The following TTN variants were observed in gnomAD, a reference collection of about 807,000 sequenced individuals.
The protein encoded by TTN is connectin.
In TTN, 1,525 loss-of-function variants were observed where a neutral mutation model predicts 3,223.0. That is an observed-to-expected ratio of 0.47 (90% CI 0.45 to 0.49). The LOEUF (loss-of-function observed/expected upper bound fraction) is 0.49, where lower values mean the gene tolerates loss of function less well. Ranked by LOEUF, TTN falls within the 20% of genes least tolerant of loss-of-function variation. The pLI, the probability that TTN is intolerant of heterozygous loss-of-function variation, is 0.00. For missense variants in TTN, 40,786 were observed against 43,424.0 expected, an observed-to-expected ratio of 0.94 and a Z score of 5.40; for synonymous variants, 14,094 against 15,161.0, an observed-to-expected ratio of 0.93 and a Z score of 5.17.
rs200732906 is a variant in TTN at position 178,622,587 on chromosome 2, C to CT, written c.44913+82dup. Reference sequence around the variant, plus strand: ...TGGTGACCAGAGAAGTTGTGACTAACTTTTTTTTTTCCATTTTGGCTAGAC... The same window carrying CT: ...TGGTGACCAGAGAAGTTGTGACTAACTTTTTTTTTTTCCATTTTGGCTAGAC... On this transcript the variant is annotated intron_variant, in intron 243 of 362. Transcript: ENST00000589042. The CT allele has an allele frequency of 0.032, 33,909 of 1,054,860 alleles. 257 individuals are homozygous for CT. Among genetic ancestry groups the CT allele is most frequent in the East Asian group, 0.096 (3,353 of 34,786 alleles). The allele number at this position is 1,054,860 out of a possible 1,614,324, so 65.3% of individuals were successfully genotyped here.
intron 214 of TTN, 105 bp from the exon 215 acceptor site, chr2:178,647,249 G>T: frequency 8.3e-7 from 1 of 1,208,184 alleles, no homozygotes; most frequent in Non-Finnish European, 1.2e-6. Context: ...CTCTATAACA[G>T]ATTATTCAGA....
rs2154141736 is a variant in TTN at position 178,541,571 on chromosome 2, G to T, written c.97506C>A (p.Pro32502=). Residue 32502 remains proline, a synonymous_variant, in exon 350 of 363, where the codon CCC becomes CCA. Coordinates refer to ENST00000589042, the MANE Select transcript of TTN (RefSeq NM_001267550.2). ...CATCAAATATCTGTAATGTTTCTGGGGGTCCAGGAATACCTGCAGCAAGAC... is the reference window on the plus strand; with the variant it reads ...CATCAAATATCTGTAATGTTTCTGGTGGTCCAGGAATACCTGCAGCAAGAC... ...ECRSSIRIPG[P]PETLQIFDVS... 1 of 1,607,814 alleles carries T rather than the reference G, an allele frequency of 6.2e-7. No homozygotes were observed. Among genetic ancestry groups the T allele is most frequent in the East Asian group, 2.2e-5 (1 of 44,584 alleles).
chr2:178,713,219 T>C lies in TTN; in HGVS notation c.26915A>G (p.Tyr8972Cys). The change falls in exon 93 of 363, where the codon TAC becomes TGC. Residue 8972 changes from tyrosine (Y) to cysteine (C), a missense_variant. Physicochemically the swap from Tyr to Cys is radical, Grantham distance 194. Coordinates refer to ENST00000589042, the MANE Select transcript of TTN (RefSeq NM_001267550.2). ...AGTATTATCTGTCAGGGTGGTCTGG[T>C]ATTTCCTTCCACTACTGATCTCATT... Reference protein sequence around the residue: ...EGNEISSGRKYQTTLTDNTCA... With the variant: ...EGNEISSGRKCQTTLTDNTCA... 1.2e-6 allele frequency: 2 copies of C among 1,613,614 alleles called. No individual in the cohort carries two copies. Among genetic ancestry groups the C allele is most frequent in the Admixed American group, 3.3e-5 (2 of 59,962 alleles).
At position 178,717,096 on chromosome 2, in the gene TTN, T is replaced by C. The variant is rs1261010658; in HGVS notation, c.25638A>G (p.Gln8546=). The C allele has an allele frequency of 6.2e-7, 1 of 1,609,566 alleles. No homozygotes were observed. The highest frequency in any genetic ancestry group is 8.5e-7 in the Non-Finnish European group (1 of 1,176,744). Residue 8546 remains glutamine (Q), a splice_region_variant and synonymous_variant, in exon 88 of 363, where the codon CAA becomes CAG. Coordinates refer to ENST00000589042, the MANE Select transcript of TTN (RefSeq NM_001267550.2). ...KDSCSAQLGV[Q]EPPRFIKKLE... is the part of the protein sequence containing the mutation. The stretch of plus-strand genomic sequence containing the variant: ...TTGCTCCTTCACTCTAACAAGTACC[T>C]TGTACACCCAGCTGAGCAGAACAAG...
rs878858552 is a variant in TTN at position 178,535,517 on chromosome 2, C to G, written c.101098G>C (p.Asp33700His). 4 of 1,613,878 alleles carry G rather than the reference C, an allele frequency of 2.5e-6. No homozygotes were observed. The highest frequency in any genetic ancestry group is 3.4e-6 in the Non-Finnish European group (4 of 1,179,822). The change falls in exon 358 of 363, where the codon GAT (aspartate) becomes CAT (histidine). Residue 33700 changes from aspartate (D) to histidine (H), a missense_variant. Asp to His is a moderately conservative substitution (Grantham distance 81). Transcript: ENST00000589042. Reference sequence around the variant, plus strand: ...AAGTTGACAGAATCTCGTGAGACATCACTAACTTTGACTCCTCTGGGTGGG... The same window carrying G: ...AAGTTGACAGAATCTCGTGAGACATGACTAACTTTGACTCCTCTGGGTGGG... ...PDPPRGVKVS[D>H]VSRDSVNLTW...
At chr2:178,645,409 C>T (rs915630281) in intron 217 of TTN, among the ~76,000 whole-genome samples, 6 of 151,942 alleles carry the variant, frequency 3.9e-5, no homozygotes, top group African/African-American at 1.5e-4. Flanking sequence ...CATTCATATG[C>T]TTTCCTTTCA....
chr2:178,598,388 T>A, intron 292 of TTN, 118 bp downstream of exon 292: 1 of 1,230,462 alleles, frequency 8.1e-7, no homozygotes, highest in Non-Finnish European at 1.1e-6. Context: ...GTTAAAATTA[T>A]GCTATTTTCC....
intron 208 of TTN, 35 bp downstream of exon 208, chr2:178,651,208 G>A: frequency 1.3e-6 from 2 of 1,566,786 alleles, no homozygotes; most frequent in African/African-American, 1.4e-5. Context: ...ACAAGGGTGA[G>A]TGCTTTTCTG....
At chr2:178,748,245 G>A (rs1185835123) in intron 47 of TTN, 1 of 1,612,948 alleles carries the variant, frequency 6.2e-7, no homozygotes, top group Non-Finnish European at 8.5e-7. Flanking sequence ...TTAAGAGAAA[G>A]ATCAGTTTTT....
chr2:178,567,608 G>T lies in TTN; in HGVS notation c.78524C>A (p.Pro26175His). The change falls in exon 326 of 363, where the codon CCC becomes CAC. Residue 26175 changes from proline to histidine, a missense_variant. By Grantham distance (77) the Pro-to-His change is moderately conservative (BLOSUM62 -2). Coordinates refer to ENST00000589042, the MANE Select transcript of TTN (RefSeq NM_001267550.2). ...AKNAAGAISK[P>H]SDSTGPITAK... ...AGTTATTGGTCCAGTACTGTCAGAG[G>T]GTTTACTTATTGCACCAGCTGCATT... The T allele has an allele frequency of 5.6e-6, 9 of 1,611,828 alleles. No individual in the cohort carries two copies. Among genetic ancestry groups the T allele is most frequent in the Non-Finnish European group, 6.8e-6 (8 of 1,178,568 alleles).
chr2:178,785,525 A>C (rs1253485924), intron 15 of TTN, 95 bp downstream of exon 15: 21 of 1,565,136 alleles, frequency 1.3e-5, no homozygotes, highest in Non-Finnish European at 1.7e-5. Flanking sequence ...ACCAAAAAAG[A>C]ATCCTCCATT....
chr2:178,560,171 G>A lies in TTN; in HGVS notation c.85961C>T (p.Pro28654Leu). 2 of 1,613,734 alleles carry A rather than the reference G, an allele frequency of 1.2e-6. No individual in the cohort carries two copies. The highest frequency in any genetic ancestry group is 1.7e-6 in the Non-Finnish European group (2 of 1,179,756). ...GTCCACAATTTTGGGTTTGGATGGA[G>A]GAGATGGTAGGAACACTGGATCTTC... ...RAEDPVFLPS[P>L]PSKPKIVDSG... is the part of the protein sequence containing the mutation. The change falls in exon 326 of 363, where the codon CCT (proline) becomes CTT (leucine). Residue 28654 changes from proline (P) to leucine (L), a missense_variant. Physicochemically the swap from Pro to Leu is moderately conservative, Grantham distance 98 (BLOSUM62 -3). Transcript: ENST00000589042.
Position 178,607,983 on chromosome 2 carries a change from C to G in TTN, c.52804G>C (p.Val17602Leu), listed in dbSNP as rs771120988. 1.2e-6 allele frequency: 2 copies of G among 1,612,992 alleles called. No individual in the cohort carries two copies. The highest frequency in any genetic ancestry group is 3.3e-5 in the Admixed American group (2 of 59,948). The part of the protein sequence containing the change: ...PPAFNGGGEI[V>L]GYFVDKQLVG... ...AACTGCTTATCAACAAAATAGCCAA[C>G]AATTTCCCCACCACCATTGAAAGCT... Residue 17602 changes from valine to leucine, a missense_variant, in exon 276 of 363, where the codon GTT becomes CTT. Coordinates refer to ENST00000589042, the MANE Select transcript of TTN (RefSeq NM_001267550.2).
At position 178,546,963 on chromosome 2, in the gene TTN, G is replaced by C. The variant is rs576442015; in HGVS notation, c.94522+40C>G. 10 of 1,586,978 alleles carry C rather than the reference G, an allele frequency of 6.3e-6. No homozygotes were observed. In the South Asian group the frequency reaches 1.2e-4, roughly 18 times the overall value. ...ACCACTCTGAGTTCTACTAGAATCAGTAATAATAAACAAATATGCCCTTAA... is the reference window on the plus strand; with the variant it reads ...ACCACTCTGAGTTCTACTAGAATCACTAATAATAAACAAATATGCCCTTAA... On this transcript the variant is annotated intron_variant, in intron 340 of 362. Transcript: ENST00000589042.
In TTN at chr2:178,526,044, A is replaced by G. The variant is rs772669140; in HGVS notation, c.*968T>C. On this transcript the variant is annotated 3_prime_UTR_variant, in exon 363 of 363. Transcript: ENST00000589042. ...GTTGTTACTATCTCAAGGAGGTCCA[A>G]CAATTATAACTAACAATTGAATTTA... is the stretch of plus-strand genomic sequence containing the variant. 2.7e-4 allele frequency: 41 copies of G among 152,666 alleles called. No homozygotes were observed. Among genetic ancestry groups the G allele is most frequent in the Non-Finnish European group, 4.6e-4 (31 of 68,048 alleles). 9.5% of individuals were successfully genotyped at this position (152,666 alleles called of 1,614,324 possible). A position where few individuals can be genotyped will look rare whatever the true frequency, so the allele number is the denominator to read the frequency against.
chr2:178,571,302 G>T lies in TTN; in HGVS notation c.74830C>A (p.His24944Asn), dbSNP rs779868325. The T allele has an allele frequency of 1.9e-6, 3 of 1,613,410 alleles. No homozygotes were observed. Among genetic ancestry groups the T allele is most frequent in the Non-Finnish European group, 2.5e-6 (3 of 1,179,590 alleles). ...SDGGSRVIGY[H>N]LERKERNSIL... Reference sequence around the variant, plus strand: ...CTATTTCTTTCCTTGCGTTCTAGATGATAGCCAATGACTCTACTTCCTCCA... The same window carrying T: ...CTATTTCTTTCCTTGCGTTCTAGATTATAGCCAATGACTCTACTTCCTCCA... Residue 24944 changes from histidine (H) to asparagine (N), a missense_variant, in exon 326 of 363, where the codon CAT becomes AAT. Transcript: ENST00000589042.
At chr2:178,527,853 C>T (rs1392263962) in intron 361 of TTN, 105 bp from the exon 362 acceptor site, 22 of 1,096,144 alleles carry the variant, frequency 2.0e-5, no homozygotes, top group Non-Finnish European at 2.8e-5. Flanking sequence ...CACACAGCAG[C>T]ATAACCCAAA....
rs1020962821 is a variant in TTN at position 178,564,007 on chromosome 2, C to G, written c.82125G>C (p.Gly27375=). The G allele has an allele frequency of 1.1e-5, 18 of 1,613,592 alleles. No homozygotes were observed. Among genetic ancestry groups the G allele is most frequent in the Non-Finnish European group, 1.5e-5 (18 of 1,179,732 alleles). The part of the protein sequence containing the change: ...KVLDRPGPPE[G]PLKVTGVTAE... ...CAGTAACTCCAGTAACTTTCAGAGG[C>G]CCTTCAGGAGGCCCTGGCCTGTCAA... is the stretch of plus-strand genomic sequence containing the variant. The change falls in exon 326 of 363, where the codon GGG becomes GGC. Residue 27375 remains glycine, a synonymous_variant. Transcript: ENST00000589042.
chr2:178,621,736 C>A lies in TTN; in HGVS notation c.45088G>T (p.Glu15030Ter), dbSNP rs794729434. The stretch of plus-strand genomic sequence containing the variant: ...GCAAGATTTTTGGTAAAGACAGCTT[C>A]TTCTTCTGCAAGCATTGAAAAAACA... ...TSGMLTVLEE[E>*]AVFTKNLANI... is the part of the protein sequence containing the mutation. Residue 15030 changes from glutamate to a stop codon, truncating the protein, a stop_gained, in exon 245 of 363, where the codon GAA becomes TAA. Transcript: ENST00000589042. LOFTEE classifies it high-confidence loss of function. 6.2e-7 allele frequency: 1 copy of A among 1,610,606 alleles called. No homozygotes were observed. The highest frequency in any genetic ancestry group is 8.5e-7 in the Non-Finnish European group (1 of 1,178,562).
Sources: allele counts gnomAD v4.1 joint callset (sites outside exome capture counted in the v4.1 genomes callset), GRCh38; gene constraint gnomAD v4.1.1; transcripts MANE v1.5; gene names NCBI Gene and HGNC (gene_info 2026-07-23, HGNC 2026-07-21).